NAT16: variants seen among roughly 807,000 people sequenced by gnomAD.
The protein encoded by NAT16 is probable N-acetyltransferase 16.
In NAT16, 16 loss-of-function variants were observed where a neutral mutation model predicts 15.9. The ratio of observed to expected loss-of-function variants is 1.01; its 90% CI spans 0.68 to 1.53. The LOEUF (loss-of-function observed/expected upper bound fraction) is 1.53. Among genes scored for constraint, NAT16 ranks in the 40% most tolerant of loss-of-function variants. The probability of loss-of-function intolerance (pLI) is 0.00; values close to 1 mark genes in which losing one functional copy is unlikely to be tolerated. For synonymous variants in NAT16, 260 were observed against 241.9 expected, an observed-to-expected ratio of 1.07 and a Z score of -0.69; for missense variants, 572 against 508.4, an observed-to-expected ratio of 1.13 and a Z score of -1.20.
At chr7:101,176,332 C>G (rs1348232017) in intron 1 of NAT16, among the ~76,000 whole-genome samples, 1 of 151,798 alleles carries the variant, frequency 6.6e-6, no homozygotes, top group African/African-American at 2.4e-5. Flanking sequence ...CCATCTCTAC[C>G]AAAAATACAA....
At chr7:101,174,148 C>T (rs1171122720) in intron 2 of NAT16, 1 of 391,348 alleles carries the variant, frequency 2.6e-6, no homozygotes, top group Non-Finnish European at 4.5e-6. Context: ...TTAGCTCCTC[C>T]CCCAGCCCAA....
At position 101,172,376 on chromosome 7, in the gene NAT16, G is replaced by T. The variant is rs2116722665; in HGVS notation, c.813C>A (p.Arg271=). 1 of 1,572,000 alleles carries T rather than the reference G, an allele frequency of 6.4e-7. No homozygotes were observed. The highest frequency in any genetic ancestry group is 2.4e-5 in the East Asian group (1 of 42,458). Reference sequence around the variant, plus strand: ...ACAGCGTGAGCACGCGCGGGCGCGCGCGGCTGTCCACGCGCCACTCCAGGC... The same window carrying T: ...ACAGCGTGAGCACGCGCGGGCGCGCTCGGCTGTCCACGCGCCACTCCAGGC... ...AKGLEWRVDS[R]ARPRVLTLCT... Residue 271 remains arginine (R), a synonymous_variant, in exon 4 of 4, where the codon CGC becomes CGA. Transcript: ENST00000300303. The surrounding 1 kb of genome is among the most constrained non-coding windows in gnomAD (Gnocchi z 4.2).
intron 1 of NAT16, among the ~76,000 whole-genome samples, chr7:101,175,470 C>T (rs10953327): frequency 0.14 from 21,916 of 151,814 alleles, 1,711 homozygotes; most frequent in South Asian, 0.18. Context: ...CTCCCTCCCT[C>T]TTCCCACCAG....
chr7:101,174,634 G>T lies in NAT16; in HGVS notation c.174C>A (p.Ala58=). ...GCACTTCCTCAAACTCCCGTTCCGTGGCCACCACGAAGTCCAATGGCTCGG... is the reference window on the plus strand; with the variant it reads ...GCACTTCCTCAAACTCCCGTTCCGTTGCCACCACGAAGTCCAATGGCTCGG... The part of the protein sequence containing the change: ...AEAEPLDFVV[A]TEREFEEVLA... Residue 58 remains alanine (A), a synonymous_variant, in exon 2 of 4, where the codon GCC becomes GCA. Coordinates refer to ENST00000300303, the MANE Select transcript of NAT16 (RefSeq NM_198571.3). 1 of 1,614,076 alleles carries T rather than the reference G, an allele frequency of 6.2e-7. No homozygotes were observed. Among genetic ancestry groups the T allele is most frequent in the East Asian group, 2.2e-5 (1 of 44,858 alleles).
chr7:101,178,176 G>A (rs556973445), intron 1 of NAT16, among the ~76,000 whole-genome samples: 8 of 152,270 alleles, frequency 5.3e-5, no homozygotes, highest in East Asian at 3.9e-4. Flanking sequence ...GTTGTTTGTC[G>A]TGGGAGGTAA....
At chr7:101,173,168 G>C (rs1253533709) in intron 3 of NAT16, 128 bp downstream of exon 3, 2 of 850,786 alleles carry the variant, frequency 2.4e-6, no homozygotes, top group African/African-American at 3.3e-5. Context: ...CCAGGGCAAG[G>C]CTCATGGGCC....
In NAT16 at chr7:101,174,733, T is replaced by G. The variant is rs979776122; in HGVS notation, c.75A>C (p.Ala25=). 4.0e-5 allele frequency: 64 copies of G among 1,610,230 alleles called. No homozygotes were observed. Among genetic ancestry groups the G allele is most frequent in the Admixed American group, 1.8e-4 (11 of 59,988 alleles). The part of the protein sequence containing the change: ...PKPEKKTARD[A]EPSSETRPQE... ...GTGGCCGGGTTTCAGAGCTTGGCTC[T>G]GCATCTCGGGCAGTCTTCTTTTCCG... is the stretch of plus-strand genomic sequence containing the variant. Residue 25 remains alanine, a synonymous_variant, in exon 2 of 4, where the codon GCA becomes GCC. Coordinates refer to ENST00000300303, the MANE Select transcript of NAT16 (RefSeq NM_198571.3).
At position 101,173,453 on chromosome 7, in the gene NAT16, G is replaced by T; in HGVS notation, c.380C>A (p.Ala127Glu). 1.2e-6 allele frequency: 2 copies of T among 1,611,852 alleles called. No homozygotes were observed. The highest frequency in any genetic ancestry group is 1.7e-6 in the Non-Finnish European group (2 of 1,178,974). The change falls in exon 3 of 4, where the codon GCG becomes GAG. Residue 127 changes from alanine (A) to glutamate (E), a missense_variant. Coordinates refer to ENST00000300303, the MANE Select transcript of NAT16 (RefSeq NM_198571.3). ...ETVLVEGLRV[A>E]PWERGKGVAG... The stretch of plus-strand genomic sequence containing the variant: ...CACGCCCTTCCCGCGCTCCCAGGGC[G>T]CCACGCGCAGCCCCTCCACCAGCAC...
In NAT16 at chr7:101,174,696, C is replaced by G; in HGVS notation, c.112G>C (p.Ala38Pro). Residue 38 changes from alanine to proline, a missense_variant, in exon 2 of 4, where the codon GCC becomes CCC. By Grantham distance (27) the Ala-to-Pro change is conservative (BLOSUM62 -1). Transcript: ENST00000300303. ...SSETRPQEVE[A>P]EPRSGSGPEA... is the part of the protein sequence containing the mutation. ...GGCCCCGATCCCGACCTGGGCTCGG[C>G]CTCCACCTCCTGTGGCCGGGTTTCA... The G allele has an allele frequency of 6.2e-6, 10 of 1,613,568 alleles. No individual in the cohort carries two copies. Among genetic ancestry groups the G allele is most frequent in the Non-Finnish European group, 8.5e-6 (10 of 1,180,006 alleles).
chr7:101,179,457 G>T (rs1048297138), intron 1 of NAT16, among the ~76,000 whole-genome samples: 2 of 151,672 alleles, frequency 1.3e-5, no homozygotes, highest in South Asian at 2.1e-4. Flanking sequence ...CCCGGGGTAT[G>T]GGGGGCGGGG....
intron 1 of NAT16, chr7:101,179,067 C>G (rs1207934404): frequency 6.7e-6 from 1 of 148,796 alleles, no homozygotes; most frequent in Non-Finnish European, 1.5e-5. Flanking sequence ...CCCACCCACC[C>G]GCACCCCACT....
intron 2 of NAT16, 128 bp downstream of exon 2, chr7:101,174,368 A>G: frequency 2.3e-6 from 3 of 1,303,550 alleles, no homozygotes; most frequent in Non-Finnish European, 3.1e-6. Flanking sequence ...CTTTGGTCCC[A>G]AAGCAGGCTC....
At chr7:101,179,652 G>A (rs78254454) in intron 1 of NAT16, among the ~76,000 whole-genome samples, 12,409 of 144,258 alleles carry the variant, frequency 0.086, 667 homozygotes, top group East Asian at 0.21. Flanking sequence ...GGGCCCCAGA[G>A]GGCCACAGTA....
chr7:101,174,681 C>A lies in NAT16; in HGVS notation c.127G>T (p.Gly43Ter), dbSNP rs969687102. The change falls in exon 2 of 4, where the codon GGA becomes TGA. Residue 43 changes from glycine to a stop codon, truncating the protein, a stop_gained. Coordinates refer to ENST00000300303, the MANE Select transcript of NAT16 (RefSeq NM_198571.3). LOFTEE classifies it high-confidence loss of function. ...TCGGCCTCAGCCTCAGGCCCCGATC[C>A]CGACCTGGGCTCGGCCTCCACCTCC... is the stretch of plus-strand genomic sequence containing the variant. ...PQEVEAEPRS[G>*]SGPEAEAEPL... 1.2e-6 allele frequency: 2 copies of A among 1,613,924 alleles called. No individual in the cohort carries two copies.
chr7:101,172,717 C>T lies in NAT16; in HGVS notation c.538-66G>A. 1 of 1,279,694 alleles carries T rather than the reference C, an allele frequency of 7.8e-7. No individual in the cohort carries two copies. Among genetic ancestry groups the T allele is most frequent in the Non-Finnish European group, 1.0e-6 (1 of 973,314 alleles). 79.3% of individuals were successfully genotyped at this position (1,279,694 alleles called of 1,614,324 possible). On this transcript the variant is annotated intron_variant, in intron 3 of 3. Transcript: ENST00000300303. The surrounding 1 kb of genome is among the most constrained non-coding windows in gnomAD (Gnocchi z 4.2). ...CAGGGCTGGCGAGCCCGGCGCCTCT[C>T]GGCAGGCATCTTCACTCCCACGTTC...
intron 1 of NAT16, among the ~76,000 whole-genome samples, chr7:101,177,955 T>C (rs1706396625): frequency 6.6e-6 from 1 of 152,186 alleles, no homozygotes; most frequent in Non-Finnish European, 1.5e-5. Flanking sequence ...CCAGGCAACA[T>C]GAACCAGCTG....
rs1387773605 is a variant in NAT16, at chr7:101,172,718, G to C, written c.538-67C>G. 5 of 1,276,840 alleles carry C rather than the reference G, an allele frequency of 3.9e-6. No individual in the cohort carries two copies. The East Asian group carries it at 8.7e-5, about 22-fold the overall frequency. The allele number at this position is 1,276,840 out of a possible 1,614,324, so 79.1% of individuals were successfully genotyped here. A position where few individuals can be genotyped will look rare whatever the true frequency, so the allele number is the denominator to read the frequency against. On this transcript the variant is annotated intron_variant, in intron 3 of 3. Transcript: ENST00000300303. The surrounding 1 kb of genome is among the most constrained non-coding windows in gnomAD (Gnocchi z 4.2). ...AGGGCTGGCGAGCCCGGCGCCTCTC[G>C]GCAGGCATCTTCACTCCCACGTTCA...
Position 101,172,981 on chromosome 7 carries a change from T to C in NAT16, c.537+315A>G, listed in dbSNP as rs1043098209. ...CAGGGAGGCCGATCAGTCAGTAGGATTGGGAGGAGCAGAGGGAGGACAAAG... is the reference window on the plus strand; with the variant it reads ...CAGGGAGGCCGATCAGTCAGTAGGACTGGGAGGAGCAGAGGGAGGACAAAG... On this transcript the variant is annotated intron_variant, in intron 3 of 3. Transcript: ENST00000300303. This position sits in a 1 kb window ranked among gnomAD's most constrained non-coding sequence, Gnocchi z 4.2. Among the ~76,000 whole-genome samples, 3 of 151,796 alleles carry C rather than the reference T, an allele frequency of 2.0e-5. No homozygotes were observed. Among genetic ancestry groups the C allele is most frequent in the African/African-American group, 7.2e-5 (3 of 41,414 alleles).
rs1201148704 is a variant in NAT16, at chr7:101,173,506, C to T, written c.327G>A (p.Ser109=). ...TCTCCCCGGCGTCGATCACGTTCAC[C>T]GACTCCAGCGCGATCTGCGGACCGA... The part of the protein sequence containing the change: ...KRNGGVIALE[S]VNVIDAGETV... Residue 109 remains serine (S), a synonymous_variant, in exon 3 of 4, where the codon TCG becomes TCA. Coordinates refer to ENST00000300303, the MANE Select transcript of NAT16 (RefSeq NM_198571.3). 6.9e-6 allele frequency: 11 copies of T among 1,600,136 alleles called. No individual in the cohort carries two copies. Among genetic ancestry groups the T allele is most frequent in the Non-Finnish European group, 9.4e-6 (11 of 1,172,362 alleles).
Sources: gnomAD v4.1 joint callset for allele counts (sites outside exome capture counted in the v4.1 genomes callset) on GRCh38, gnomAD v4.1.1 for gene constraint, Gnocchi (gnomAD v3.1) non-coding constraint, MANE v1.5 for transcripts, NCBI Gene and HGNC (gene_info 2026-07-23, HGNC 2026-07-21) for gene names.